HS6ST2: variants seen among roughly 807,000 people sequenced by gnomAD.
The protein encoded by HS6ST2 is heparan sulfate 6-O-sulfotransferase 2, also known as heparan-sulfate 6-O-sulfotransferase 2.
A neutral mutation model predicts 33.0 loss-of-function variants in HS6ST2; 17 were observed. The observed-to-expected ratio is 0.52, with a 90% CI of 0.35 to 0.77. HS6ST2 has a LOEUF of 0.77. Among genes scored for constraint, HS6ST2 ranks in the 30% least tolerant of loss-of-function variants. The pLI is 0.01. For missense variants in HS6ST2, 519 were observed against 551.7 expected, an observed-to-expected ratio of 0.94 and a Z score of 0.59; for synonymous variants, 248 against 237.1, an observed-to-expected ratio of 1.05 and a Z score of -0.42.
intron 4 of HS6ST2, among the ~76,000 whole-genome samples, chrX:132,641,041 C>A (rs1467167837): frequency 8.9e-6 from 1 of 112,407 alleles, no homozygotes; most frequent in African/African-American, 3.2e-5. Flanking sequence ...CCTCACCCAA[C>A]CAAGTAGTCC....
intron 2 of HS6ST2, among the ~76,000 whole-genome samples, chrX:132,931,400 T>C (rs760030454): frequency 6.3e-5 from 7 of 111,716 alleles, no homozygotes; most frequent in East Asian, 2.8e-4. Context: ...TCTCCAGTTA[T>C]AGGATGGAGA....
intron 3 of HS6ST2, among the ~76,000 whole-genome samples, chrX:132,700,906 C>G (rs985549877): frequency 1.3e-4 from 15 of 111,369 alleles, no homozygotes; most frequent in Non-Finnish European, 2.1e-4. Context: ...CGATCCTGTA[C>G]TATCTGTCAG....
intron 2 of HS6ST2, among the ~76,000 whole-genome samples, chrX:132,899,534 C>T: frequency 9.1e-6 from 1 of 110,400 alleles, no homozygotes; most frequent in Non-Finnish European, 1.9e-5. Flanking sequence ...ACAATAGACA[C>T]TGCGGAAGAA....
chrX:132,940,533 A>G (rs1354063307), intron 2 of HS6ST2, among the ~76,000 whole-genome samples: 1 of 112,144 alleles, frequency 8.9e-6, no homozygotes, highest in Non-Finnish European at 1.9e-5. Context: ...CGTATATCTT[A>G]TAAGAGACTT....
rs979780297 is a variant in HS6ST2, at chrX:132,927,293, C to T, written c.947+29515G>A. Among the ~76,000 whole-genome samples the T allele has an allele frequency of 1.7e-4, 19 of 111,710 alleles. 1 individual carries two copies. The highest frequency in any genetic ancestry group is 6.2e-4 in the African/African-American group (19 of 30,672). ...CCCTGTCTCCCTGGGCTGCTCCCTG[C>T]AGCCTTCTAACTCACTGCCATGTTC... On this transcript the variant is annotated intron_variant, in intron 2 of 4. Transcript: ENST00000370833.
At chrX:132,955,258 T>C (rs751798622) in intron 2 of HS6ST2, among the ~76,000 whole-genome samples, 18 of 112,467 alleles carry the variant, frequency 1.6e-4, no homozygotes, top group Admixed American at 1.6e-3. Flanking sequence ...TACCAATGGA[T>C]TGAGGTCCTG....
intron 2 of HS6ST2, among the ~76,000 whole-genome samples, chrX:132,768,083 T>G (rs1228243272): frequency 9.0e-6 from 1 of 110,723 alleles, no homozygotes; most frequent in Non-Finnish European, 1.9e-5. Context: ...AATCTCAGGG[T>G]GGCAGCACTT....
intron 2 of HS6ST2, among the ~76,000 whole-genome samples, chrX:132,787,439 C>G (rs1472799629): frequency 1.0e-5 from 1 of 98,568 alleles, no homozygotes; most frequent in Non-Finnish European, 2.0e-5. Flanking sequence ...ATTACAGGCA[C>G]CCACCACCAC....
intron 2 of HS6ST2, among the ~76,000 whole-genome samples, chrX:132,858,009 C>A (rs2065870613): frequency 8.9e-6 from 1 of 112,137 alleles, no homozygotes; most frequent in African/African-American, 3.2e-5. Flanking sequence ...TGGCCCAAAT[C>A]TTGGGACCAT....
chrX:132,812,299 G>A (rs5933201), intron 2 of HS6ST2, among the ~76,000 whole-genome samples: 38,609 of 105,589 alleles, frequency 0.37, 5,848 homozygotes, highest in African/African-American at 0.51. Context: ...CAGCTACTCC[G>A]GAGGCTGAGG....
At chrX:132,650,240 G>C (rs1177721629) in intron 4 of HS6ST2, among the ~76,000 whole-genome samples, 1 of 111,565 alleles carries the variant, frequency 9.0e-6, no homozygotes, top group East Asian at 2.8e-4. Context: ...TTGAACATCA[G>C]GAGGAATGAA....
intron 2 of HS6ST2, among the ~76,000 whole-genome samples, chrX:132,777,727 C>T (rs1602665180): frequency 1.8e-5 from 2 of 109,068 alleles, no homozygotes; most frequent in Admixed American, 2.0e-4. Context: ...GATTACAGGC[C>T]TGAGCCACCA....
intron 2 of HS6ST2, among the ~76,000 whole-genome samples, chrX:132,769,719 A>G (rs1379058510): frequency 8.9e-6 from 1 of 112,077 alleles, no homozygotes; most frequent in African/African-American, 3.2e-5. Flanking sequence ...GAAAAAACAC[A>G]CTCCAGGTGC....
chrX:132,799,836 A>G (rs1420339248), intron 2 of HS6ST2, among the ~76,000 whole-genome samples: 2 of 111,969 alleles, frequency 1.8e-5, no homozygotes, highest in Non-Finnish European at 3.8e-5. Context: ...AGGTGATTCA[A>G]TGAAGTAATG....
chrX:132,864,712 G>A (rs1280341881), intron 2 of HS6ST2, among the ~76,000 whole-genome samples: 6 of 110,307 alleles, frequency 5.4e-5, no homozygotes, highest in African/African-American at 9.9e-5. Flanking sequence ...GAACGTCCCC[G>A]ACCTAGCAAG....
intron 3 of HS6ST2, among the ~76,000 whole-genome samples, chrX:132,685,048 G>T (rs1220465748): frequency 9.0e-6 from 1 of 111,697 alleles, no homozygotes. Flanking sequence ...GAGGAGCACA[G>T]TAAAGAAGTA....
chrX:132,843,433 C>A (rs1342183996), intron 2 of HS6ST2, among the ~76,000 whole-genome samples: 2 of 111,028 alleles, frequency 1.8e-5, no homozygotes, highest in Non-Finnish European at 3.8e-5. Context: ...TTTTTAAATT[C>A]ATAAAGGGAA....
chrX:132,790,014 C>T (rs1487236440), intron 2 of HS6ST2, among the ~76,000 whole-genome samples: 1 of 112,525 alleles, frequency 8.9e-6, no homozygotes, highest in Non-Finnish European at 1.9e-5. Context: ...TAGAATATTA[C>T]ATAAACTTAG....
intron 2 of HS6ST2, among the ~76,000 whole-genome samples, chrX:132,949,941 A>G (rs1386062622): frequency 9.0e-6 from 1 of 111,260 alleles, no homozygotes; most frequent in Non-Finnish European, 1.9e-5. Flanking sequence ...TTCTCTTAGC[A>G]TTAAATCACT....
Sources: allele counts gnomAD v4.1 joint callset (sites outside exome capture counted in the v4.1 genomes callset), GRCh38; gene constraint gnomAD v4.1.1; transcripts MANE v1.5; gene names NCBI Gene and HGNC (gene_info 2026-07-23, HGNC 2026-07-21).